The following FAM81A variants were observed in gnomAD, a reference collection of about 807,000 sequenced individuals.
FAM81A encodes protein FAM81A.
A neutral mutation model predicts 46.7 loss-of-function variants in FAM81A; 19 were observed. That is an observed-to-expected ratio of 0.41 (90% confidence interval 0.28 to 0.60). The LOEUF (loss-of-function observed/expected upper bound fraction) is 0.60. FAM81A is among the 20% of genes least tolerant of loss of function. The pLI, the probability that FAM81A is intolerant of heterozygous loss-of-function variation, is 0.34. For missense variants in FAM81A, 377 were observed against 453.5 expected (o/e 0.83, Z 1.53); for synonymous variants, 183 against 152.9 (o/e 1.20, Z -1.45).
upstream of FAM81A, among the ~76,000 whole-genome samples, chr15:59,434,925 T>TA (rs2081236541): frequency 1.3e-5 from 2 of 152,198 alleles, no homozygotes. Flanking sequence ...GTCGTGTGTA[T>TA]CTCATCTTCA....
At chr15:59,415,669 C>G (rs1421685378) in intron 2 of FAM81A, among the ~76,000 whole-genome samples, 1 of 152,190 alleles carries the variant, frequency 6.6e-6, no homozygotes, top group Non-Finnish European at 1.5e-5. Flanking sequence ...CCAGTGAGGC[C>G]TATCTTAGAC....
chr15:59,465,234 G>A (rs545996859), intron 3 of FAM81A, among the ~76,000 whole-genome samples: 2 of 152,062 alleles, frequency 1.3e-5, no homozygotes, highest in Non-Finnish European at 2.9e-5. Context: ...TATATTTTGA[G>A]GTCTGGTAGT....
chr15:59,492,157 G>A, intron 3 of FAM81A, 114 bp from the exon 4 acceptor site: 1 of 717,762 alleles, frequency 1.4e-6, no homozygotes, highest in Non-Finnish European at 2.4e-6. Context: ...TTGAAAAGGA[G>A]TCTCTTATGA....
At chr15:59,518,472 C>T (rs1050879792) in intron 8 of FAM81A, among the ~76,000 whole-genome samples, 36 of 152,158 alleles carry the variant, frequency 2.4e-4, no homozygotes, top group Middle Eastern at 3.4e-3. Context: ...CATGTGCCAC[C>T]ATGCCCAGCT....
chr15:59,458,612 G>A lies in FAM81A; in HGVS notation c.-15G>A, dbSNP rs774869987. The A allele has an allele frequency of 2.4e-5, 38 of 1,613,738 alleles. No individual in the cohort carries two copies. The highest frequency in any genetic ancestry group is 6.8e-6 in the Non-Finnish European group (8 of 1,179,814). On this transcript the variant is annotated 5_prime_UTR_variant, in exon 2 of 9. Coordinates refer to ENST00000288228, the MANE Select transcript of FAM81A (RefSeq NM_152450.3). ...CTGTATTTCCTTCTCGTGTCACCAA[G>A]GAAAGGTATAATATATGGAAAATAT...
At chr15:59,479,279 G>C (rs1026036817) in intron 3 of FAM81A, among the ~76,000 whole-genome samples, 11 of 151,994 alleles carry the variant, frequency 7.2e-5, no homozygotes, top group African/African-American at 2.7e-4. Context: ...TTGGGAGGCC[G>C]AGGCGTGCAG....
intron 4 of FAM81A, 125 bp from the exon 5 acceptor site, chr15:59,507,088 G>T: frequency 7.9e-7 from 1 of 1,269,640 alleles, no homozygotes; most frequent in East Asian, 2.6e-5. Context: ...TTGAACCTCT[G>T]TTCAAAAGAA....
At chr15:59,470,117 C>T (rs1033527134) in intron 3 of FAM81A, among the ~76,000 whole-genome samples, 13 of 152,302 alleles carry the variant, frequency 8.5e-5, no homozygotes, top group Admixed American at 6.5e-4. Context: ...GTAACTCGAC[C>T]TTTCTGTCTG....
chr15:59,482,634 G>A (rs1366083160), intron 3 of FAM81A, among the ~76,000 whole-genome samples: 1 of 152,184 alleles, frequency 6.6e-6, no homozygotes, highest in Non-Finnish European at 1.5e-5. Context: ...TCTGGAGATG[G>A]GGTCCAAGAA....
At chr15:59,406,001 A>G (rs139705489) in intron 2 of FAM81A, among the ~76,000 whole-genome samples, 1 of 152,098 alleles carries the variant, frequency 6.6e-6, no homozygotes, top group Admixed American at 6.5e-5. Context: ...AACAAATACT[A>G]TTCCTTTTAT....
intron 2 of FAM81A, among the ~76,000 whole-genome samples, chr15:59,427,886 C>G (rs141116942): frequency 6.6e-6 from 1 of 152,188 alleles, no homozygotes; most frequent in Non-Finnish European, 1.5e-5. Flanking sequence ...GATATCTCTT[C>G]GATATACTGA....
rs2081514832 is a variant in FAM81A, at chr15:59,458,790, A to G, written c.20+144A>G. On this transcript the variant is annotated intron_variant, in intron 2 of 8. Transcript: ENST00000288228. ...TATTGTGTCCTCTAGCTTTCAATTT[A>G]TAGGATACTGTGGACCACTCAGTGA... 6.6e-6 allele frequency: 5 copies of G among 762,026 alleles called. No individual in the cohort carries two copies. The South Asian group carries it at 8.3e-5, about 13-fold the overall frequency. 47.2% of individuals were successfully genotyped at this position (762,026 alleles called of 1,614,324 possible). A position where few individuals can be genotyped will look rare whatever the true frequency, so the allele number is the denominator to read the frequency against.
upstream of FAM81A, among the ~76,000 whole-genome samples, chr15:59,433,911 A>G (rs1290004216): frequency 1.3e-5 from 2 of 152,170 alleles, no homozygotes; most frequent in African/African-American, 4.8e-5. Context: ...GCTGAAGTAC[A>G]GTGGCGCGAT....
chr15:59,468,506 A>G (rs1165091263), intron 3 of FAM81A, among the ~76,000 whole-genome samples: 11 of 152,006 alleles, frequency 7.2e-5, no homozygotes, highest in Admixed American at 6.6e-4. Context: ...AGAGGTGTTT[A>G]TAGTATTCTC....
intron 7 of FAM81A, among the ~76,000 whole-genome samples, chr15:59,516,138 T>C (rs528061804): frequency 6.6e-6 from 1 of 151,522 alleles, no homozygotes; most frequent in African/African-American, 2.4e-5. Context: ...TTTTTTTTTT[T>C]TTTTTTGAGA....
chr15:59,460,278 A>G lies in FAM81A; in HGVS notation c.294+72A>G, dbSNP rs781769366. On this transcript the variant is annotated intron_variant, in intron 3 of 8. Coordinates refer to ENST00000288228, the MANE Select transcript of FAM81A (RefSeq NM_152450.3). This position sits in a 1 kb window ranked among gnomAD's most constrained non-coding sequence, Gnocchi z 4.4. ...TGCTCCATGTCAGGAGGTCACCCAC[A>G]TCTAACTCCTACCTCCCAGGCAGTA... The G allele has an allele frequency of 1.7e-5, 27 of 1,589,586 alleles. No homozygotes were observed. Among genetic ancestry groups the G allele is most frequent in the Non-Finnish European group, 2.3e-5 (27 of 1,159,026 alleles).
chr15:59,497,493 C>T (rs879328533), intron 4 of FAM81A, among the ~76,000 whole-genome samples: 1 of 151,960 alleles, frequency 6.6e-6, no homozygotes, highest in South Asian at 2.1e-4. Context: ...GCAAAGAAAC[C>T]AGTTGGAATA....
intron 1 of FAM81A, among the ~76,000 whole-genome samples, chr15:59,442,618 C>CAAAAAAAAAAAAAAA (rs1196305104): frequency 8.0e-4 from 61 of 76,622 alleles, no homozygotes; most frequent in Non-Finnish European, 9.7e-4. Flanking sequence ...CTCCGTCTCT[C>CAAAAAAAAAAAAAAA]AAAAAAAAAA....
At chr15:59,401,188 G>A (rs77916779) in intron 1 of FAM81A, 41,947 of 801,194 alleles carry the variant, frequency 0.052, 1,460 homozygotes, top group Non-Finnish European at 0.069. Flanking sequence ...CAATTGGTGC[G>A]TAGTCCTCAA....
Sources: gnomAD v4.1 joint callset for allele counts (sites outside exome capture counted in the v4.1 genomes callset) on GRCh38, gnomAD v4.1.1 for gene constraint, Gnocchi (gnomAD v3.1) non-coding constraint, MANE v1.5 for transcripts, NCBI Gene and HGNC (gene_info 2026-07-23, HGNC 2026-07-21) for gene names.